The following C16orf74 variants were observed in gnomAD, a reference collection of about 807,000 sequenced individuals.
C16orf74 encodes the protein calcimembrin.
A neutral mutation model predicts 6.5 loss-of-function variants in C16orf74; 10 were observed. The ratio of observed to expected loss-of-function variants is 1.54; its 90% CI spans 0.95 to 2.61. C16orf74 has a LOEUF of 2.61. Ranked by LOEUF, C16orf74 falls within the 30% of genes most tolerant of loss-of-function variation. C16orf74 has a pLI of 0.00. For missense variants in C16orf74, 141 were observed against 105.9 expected, an observed-to-expected ratio of 1.33 and a Z score of -1.45; for synonymous variants, 60 against 42.5, an observed-to-expected ratio of 1.41 and a Z score of -1.60.
At chr16:85,744,829 CA>C (rs11436332) in intron 1 of C16orf74, among the ~76,000 whole-genome samples, 373 of 59,364 alleles carry the variant, frequency 6.3e-3, no homozygotes, top group African/African-American at 0.025. Context: ...GACTCCATCT[CA>C]AAAAAAAAAA....
At chr16:85,727,486 GA>G (rs1185098961) in intron 2 of C16orf74, among the ~76,000 whole-genome samples, 3 of 152,178 alleles carry the variant, frequency 2.0e-5, no homozygotes, top group Non-Finnish European at 4.4e-5. Flanking sequence ...ATACATGGGG[GA>G]AATCGGAATC....
At chr16:85,714,051 T>C (rs566080586) in intron 2 of C16orf74, among the ~76,000 whole-genome samples, 18 of 152,200 alleles carry the variant, frequency 1.2e-4, no homozygotes, top group Admixed American at 3.9e-4. Flanking sequence ...CTGCAGCTGG[T>C]GGTGGAAGGG....
At chr16:85,727,141 T>A (rs928761095) in intron 2 of C16orf74, among the ~76,000 whole-genome samples, 6 of 152,188 alleles carry the variant, frequency 3.9e-5, no homozygotes, top group Non-Finnish European at 7.4e-5. Context: ...GCAATAAACG[T>A]TTGTGGAGGG....
intron 1 of C16orf74, among the ~76,000 whole-genome samples, chr16:85,741,984 TG>T (rs1484966719): frequency 6.6e-6 from 1 of 152,202 alleles, no homozygotes; most frequent in African/African-American, 2.4e-5. Flanking sequence ...GTCTGGGTCA[TG>T]GGGCAATCTC....
At chr16:85,743,037 C>T (rs370061751) in intron 1 of C16orf74, among the ~76,000 whole-genome samples, 2 of 152,182 alleles carry the variant, frequency 1.3e-5, no homozygotes, top group African/African-American at 2.4e-5. Context: ...ACCCCCACTA[C>T]GTGGCCCCAA....
intron 3 of C16orf74, among the ~76,000 whole-genome samples, chr16:85,709,399 A>T (rs1206159276): frequency 6.6e-6 from 1 of 152,112 alleles, no homozygotes; most frequent in African/African-American, 2.4e-5. Flanking sequence ...TGAAATCTGT[A>T]CTTAACTCTG....
At chr16:85,710,135 C>T (rs1185585113) in intron 3 of C16orf74, 29 bp downstream of exon 3, 29 of 1,394,434 alleles carry the variant, frequency 2.1e-5, no homozygotes, top group Middle Eastern at 4.6e-4. Flanking sequence ...ACAGCCGACC[C>T]GGCTTGGCGG....
intron 1 of C16orf74, among the ~76,000 whole-genome samples, chr16:85,739,887 C>T (rs2054283937): frequency 6.6e-6 from 1 of 152,120 alleles, no homozygotes; most frequent in African/African-American, 2.4e-5. Context: ...TTTTCTGATT[C>T]TGATTATTGT....
At chr16:85,711,005 G>C (rs1230963475) in intron 2 of C16orf74, among the ~76,000 whole-genome samples, 1 of 152,196 alleles carries the variant, frequency 6.6e-6, no homozygotes, top group Non-Finnish European at 1.5e-5. Flanking sequence ...GACAGAGTAA[G>C]TAGGAGTGCT....
chr16:85,732,794 G>A (rs1263536437), intron 2 of C16orf74, among the ~76,000 whole-genome samples: 2 of 152,206 alleles, frequency 1.3e-5, no homozygotes, highest in Middle Eastern at 3.4e-3. Context: ...GGCAGGGGCC[G>A]GCAGCACCAA....
chr16:85,720,366 T>C (rs1433813326), intron 2 of C16orf74, among the ~76,000 whole-genome samples: 2 of 152,118 alleles, frequency 1.3e-5, no homozygotes, highest in Admixed American at 6.6e-5. Context: ...TCCTCCCTCC[T>C]GGGCAGCCCT....
chr16:85,710,623 G>T (rs75777453), intron 2 of C16orf74: 1 of 309,356 alleles, frequency 3.2e-6, no homozygotes, highest in East Asian at 7.9e-5. Context: ...CCTCATTCCC[G>T]GCCACCAGCC....
chr16:85,733,336 G>A (rs2054210385), intron 2 of C16orf74, among the ~76,000 whole-genome samples: 1 of 152,190 alleles, frequency 6.6e-6, no homozygotes, highest in Non-Finnish European at 1.5e-5. Context: ...ACTGACACGA[G>A]GTCCCTAGAG....
At chr16:85,748,128 GTA>G (rs1464041464) in intron 1 of C16orf74, among the ~76,000 whole-genome samples, 6 of 60,846 alleles carry the variant, frequency 9.9e-5, no homozygotes, top group South Asian at 6.5e-4. Context: ...ATGTGTGTGT[GTA>G]TATATATATG....
chr16:85,748,162 G>A (rs1297919386), intron 1 of C16orf74, among the ~76,000 whole-genome samples: 4 of 68,218 alleles, frequency 5.9e-5, no homozygotes, highest in South Asian at 3.5e-4. Context: ...ATATATATGT[G>A]TATATATATA....
At position 85,707,888 on chromosome 16, in the gene C16orf74, C is replaced by T. The variant is rs1156523114; in HGVS notation, c.*120G>A. The stretch of plus-strand genomic sequence containing the variant: ...TGCCACGTCTCTCTGAGCGGAGGCC[C>T]GGGTTCGCTCAGTTCCCATCCAGGG... On this transcript the variant is annotated 3_prime_UTR_variant, in exon 4 of 4. Coordinates refer to ENST00000284245, the MANE Select transcript of C16orf74 (RefSeq NM_206967.3). 8 of 781,166 alleles carry T rather than the reference C, an allele frequency of 1.0e-5. 1 individual carries two copies. Among genetic ancestry groups the T allele is most frequent in the South Asian group, 3.4e-5 (2 of 59,538 alleles). The allele number at this position is 781,166 out of a possible 1,614,324, so 48.4% of individuals were successfully genotyped here.
chr16:85,722,657 G>A (rs965216336), intron 2 of C16orf74, among the ~76,000 whole-genome samples: 1 of 151,982 alleles, frequency 6.6e-6, no homozygotes, highest in South Asian at 2.1e-4. Flanking sequence ...CCTGGACTCC[G>A]ACAGCAGCAA....
chr16:85,742,401 C>A (rs1043028768), intron 1 of C16orf74, among the ~76,000 whole-genome samples: 2 of 152,104 alleles, frequency 1.3e-5, no homozygotes, highest in Non-Finnish European at 2.9e-5. Context: ...TGGCACCTTC[C>A]CTGCTTCCCA....
intron 1 of C16orf74, among the ~76,000 whole-genome samples, chr16:85,748,640 C>T (rs1203288882): frequency 6.6e-6 from 1 of 152,054 alleles, no homozygotes; most frequent in East Asian, 1.9e-4. Context: ...TATCTAAAGA[C>T]CTGGAATCCA....
Sources: gnomAD v4.1 joint callset for allele counts (sites outside exome capture counted in the v4.1 genomes callset) on GRCh38, gnomAD v4.1.1 for gene constraint, MANE v1.5 for transcripts, NCBI Gene and HGNC (gene_info 2026-07-23, HGNC 2026-07-21) for gene names.